SMG6: variants seen among roughly 807,000 people sequenced by gnomAD.
SMG6 encodes SMG6 nonsense mediated mRNA decay factor.
In SMG6, 66 loss-of-function variants were observed where a neutral mutation model predicts 142.2. The ratio of observed to expected loss-of-function variants is 0.46; its 90% CI spans 0.38 to 0.57. The LOEUF is 0.57. Ranked by LOEUF, SMG6 falls within the 20% of genes least tolerant of loss-of-function variation. The probability of loss-of-function intolerance (pLI) is 0.00; values close to 1 mark genes in which losing one functional copy is unlikely to be tolerated. For missense variants in SMG6, 1,793 were observed against 1,832.0 expected (o/e 0.98, Z 0.39); for synonymous variants, 779 against 702.4 (o/e 1.11, Z -1.72).
At chr17:2,293,784 C>T (rs2075090700) in intron 4 of SMG6, among the ~76,000 whole-genome samples, 1 of 152,182 alleles carries the variant, frequency 6.6e-6, no homozygotes, top group South Asian at 2.1e-4. Context: ...ACTTTTTTTG[C>T]CATCATTATA....
rs780614509 is a variant in SMG6 at position 2,085,695 on chromosome 17, C to G, written c.3534+30G>C. On this transcript the variant is annotated intron_variant, in intron 14 of 18. Transcript: ENST00000263073. This position sits in a 1 kb window ranked among gnomAD's most constrained non-coding sequence, Gnocchi z 4.1. ...GCAGAATGGGGAGGGGGCCTTCCCT[C>G]TGCCACAGCGGGCTCTTCCCGCATA... The G allele has an allele frequency of 1.3e-6, 2 of 1,591,964 alleles. No homozygotes were observed. The highest frequency in any genetic ancestry group is 4.5e-5 in the East Asian group (2 of 44,588).
At chr17:2,219,309 T>C (rs919743446) in intron 10 of SMG6, among the ~76,000 whole-genome samples, 1 of 151,990 alleles carries the variant, frequency 6.6e-6, no homozygotes, top group Non-Finnish European at 1.5e-5. Flanking sequence ...AGCTTGAACC[T>C]GGGAGGTGGA....
At chr17:2,227,026 A>C (rs1208962953) in intron 10 of SMG6, among the ~76,000 whole-genome samples, 1 of 152,232 alleles carries the variant, frequency 6.6e-6, no homozygotes, top group Non-Finnish European at 1.5e-5. Context: ...AACCAAAATG[A>C]AATAGCACCA....
chr17:2,257,353 C>T (rs2074207979), intron 8 of SMG6, among the ~76,000 whole-genome samples: 1 of 152,144 alleles, frequency 6.6e-6, no homozygotes, highest in Non-Finnish European at 1.5e-5. Context: ...GTTGGGATTA[C>T]AGGCGTGAGC....
intron 9 of SMG6, among the ~76,000 whole-genome samples, chr17:2,241,885 C>T (rs1032659176): frequency 1.3e-5 from 2 of 152,198 alleles, no homozygotes; most frequent in African/African-American, 4.8e-5. Flanking sequence ...AAGTCTCTAA[C>T]AGGGCAAGAA....
chr17:2,247,527 C>T lies in SMG6; in HGVS notation c.2662-2808G>A, dbSNP rs1025195982. ...GTACAGCCGGGTGCAGTGGTTCACG[C>T]CTGTAATCCTAGGACTTTGGGAAGC... On this transcript the variant is annotated intron_variant, in intron 8 of 18. Coordinates refer to ENST00000263073, the MANE Select transcript of SMG6 (RefSeq NM_017575.5). Among the ~76,000 whole-genome samples the T allele has an allele frequency of 3.3e-5, 5 of 152,164 alleles. No individual in the cohort carries two copies. The South Asian group carries it at 1.0e-3, about 32-fold the overall frequency.
At chr17:2,233,886 G>A (rs1357209640) in intron 10 of SMG6, among the ~76,000 whole-genome samples, 1 of 152,192 alleles carries the variant, frequency 6.6e-6, no homozygotes, top group East Asian at 1.9e-4. Flanking sequence ...TGCACACTGG[G>A]TACTTGGCAG....
At chr17:2,188,838 C>T (rs1403409874) in intron 10 of SMG6, among the ~76,000 whole-genome samples, 3 of 152,132 alleles carry the variant, frequency 2.0e-5, no homozygotes, top group African/African-American at 4.8e-5. Flanking sequence ...GTAAAGCCAT[C>T]GTAACAAGAA....
chr17:2,289,946 A>C (rs1446224668), intron 6 of SMG6, among the ~76,000 whole-genome samples: 1 of 118,904 alleles, frequency 8.4e-6, no homozygotes, highest in Non-Finnish European at 1.6e-5. Flanking sequence ...TTATACATAT[A>C]TATATATATA....
intron 13 of SMG6, among the ~76,000 whole-genome samples, chr17:2,128,470 A>G (rs1388237577): frequency 6.6e-6 from 1 of 151,970 alleles, no homozygotes; most frequent in African/African-American, 2.4e-5. Context: ...TAGATTAAAA[A>G]CCACCGGATT....
intron 10 of SMG6, among the ~76,000 whole-genome samples, chr17:2,220,129 C>A (rs2073132581): frequency 6.6e-6 from 1 of 152,082 alleles, no homozygotes; most frequent in African/African-American, 2.4e-5. Context: ...TGCCATGTTA[C>A]CCAGGCTGGT....
intron 13 of SMG6, among the ~76,000 whole-genome samples, chr17:2,110,474 C>G (rs1010605628): frequency 6.6e-6 from 1 of 152,204 alleles, no homozygotes; most frequent in Admixed American, 6.5e-5. Context: ...CTATGACACA[C>G]GCACACGCAC....
At chr17:2,184,780 C>T (rs143534603) in intron 12 of SMG6, among the ~76,000 whole-genome samples, 2,845 of 149,670 alleles carry the variant, frequency 0.019, 51 homozygotes, top group South Asian at 0.065. Flanking sequence ...GCCTGGCCCA[C>T]GTGGTAAAAC....
At chr17:2,249,233 G>A (rs1040120145) in intron 8 of SMG6, among the ~76,000 whole-genome samples, 41 of 151,964 alleles carry the variant, frequency 2.7e-4, no homozygotes, top group African/African-American at 8.7e-4. Context: ...ACCTTAGTCC[G>A]AGCTTCCTTC....
At chr17:2,266,804 C>T (rs1004614050) in intron 8 of SMG6, among the ~76,000 whole-genome samples, 2 of 152,194 alleles carry the variant, frequency 1.3e-5, no homozygotes, top group African/African-American at 4.8e-5. Context: ...CACTCACTAC[C>T]AACCACAAAG....
intron 1 of SMG6, among the ~76,000 whole-genome samples, chr17:2,301,838 G>T (rs1422479555): frequency 6.6e-6 from 1 of 152,156 alleles, no homozygotes; most frequent in Non-Finnish European, 1.5e-5. Flanking sequence ...ACTTACTTAA[G>T]TATCTGGTTT....
intron 13 of SMG6, among the ~76,000 whole-genome samples, chr17:2,093,975 G>A (rs897214224): frequency 6.6e-6 from 1 of 152,096 alleles, no homozygotes; most frequent in Non-Finnish European, 1.5e-5. Context: ...CCAAGCAGGG[G>A]AGGAAAGACC....
chr17:2,301,996 T>G (rs976073764), intron 1 of SMG6, among the ~76,000 whole-genome samples: 1 of 152,236 alleles, frequency 6.6e-6, no homozygotes, highest in Non-Finnish European at 1.5e-5. Context: ...CTCACGCCTA[T>G]AATCCCAGCA....
chr17:2,208,328 C>G (rs1397485907), intron 10 of SMG6, among the ~76,000 whole-genome samples: 1 of 152,124 alleles, frequency 6.6e-6, no homozygotes, highest in African/African-American at 2.4e-5. Flanking sequence ...GTACTACAGG[C>G]CTCCTCCTCT....
Sources: gnomAD v4.1 joint callset for allele counts (sites outside exome capture counted in the v4.1 genomes callset) on GRCh38, gnomAD v4.1.1 for gene constraint, Gnocchi (gnomAD v3.1) non-coding constraint, MANE v1.5 for transcripts, NCBI Gene and HGNC (gene_info 2026-07-23, HGNC 2026-07-21) for gene names.